MMP16: variants seen among roughly 807,000 people sequenced by gnomAD.
The protein encoded by MMP16 is matrix metallopeptidase 16.
In MMP16, 12 loss-of-function variants were observed where a neutral mutation model predicts 67.8. The ratio of observed to expected loss-of-function variants is 0.18; its 90% CI spans 0.11 to 0.29. MMP16 has a LOEUF of 0.29. Ranked by LOEUF, MMP16 falls within the 10% of genes least tolerant of loss-of-function variation. MMP16 has a pLI of 1.00. For synonymous variants in MMP16, 249 were observed against 255.9 expected (o/e 0.97, Z 0.26); for missense variants, 475 against 765.7 (o/e 0.62, Z 4.48).
At chr8:88,271,991 C>T (rs1466673054) in intron 1 of MMP16, among the ~76,000 whole-genome samples, 1 of 152,154 alleles carries the variant, frequency 6.6e-6, no homozygotes, top group African/African-American at 2.4e-5. Context: ...AGCAGTTTGT[C>T]CATCTATAAA....
At chr8:88,047,279 C>T (rs751025532) in intron 8 of MMP16, among the ~76,000 whole-genome samples, 5 of 151,934 alleles carry the variant, frequency 3.3e-5, no homozygotes, top group Admixed American at 1.3e-4. Flanking sequence ...ATGTTCCTGG[C>T]GTTATTATAG....
At chr8:88,308,660 T>C (rs1300466340) in intron 1 of MMP16, among the ~76,000 whole-genome samples, 1 of 152,108 alleles carries the variant, frequency 6.6e-6, no homozygotes, top group Non-Finnish European at 1.5e-5. Context: ...GTATTTTCTG[T>C]ATATCAAAGA....
In MMP16 at chr8:88,040,756, T is replaced by G. The variant is rs915683687; in HGVS notation, c.*705A>C. 1 of 152,132 alleles carries G rather than the reference T, an allele frequency of 6.6e-6. No homozygotes were observed. Among genetic ancestry groups the G allele is most frequent in the African/African-American group, 2.4e-5 (1 of 41,284 alleles). The allele number at this position is 152,132 out of a possible 1,614,324, so 9.4% of individuals were successfully genotyped here. ...GAGAACAGCTGTATAAAACGAAAAA[T>G]GGATGTATTATTAAGGCTGTTACTA... On this transcript the variant is annotated 3_prime_UTR_variant, in exon 10 of 10. Transcript: ENST00000286614.
At chr8:88,299,247 T>C (rs1811061251) in intron 1 of MMP16, among the ~76,000 whole-genome samples, 1 of 152,138 alleles carries the variant, frequency 6.6e-6, no homozygotes, top group Non-Finnish European at 1.5e-5. Context: ...GCTCAGAAAG[T>C]GAATGCATAA....
chr8:88,199,079 A>G (rs961403891), intron 1 of MMP16, among the ~76,000 whole-genome samples: 49 of 152,202 alleles, frequency 3.2e-4, no homozygotes, highest in Admixed American at 1.7e-3. Context: ...TGCTTTTTCC[A>G]TAACACTTTG....
At chr8:88,188,694 G>A (rs910093949) in intron 2 of MMP16, among the ~76,000 whole-genome samples, 3 of 147,190 alleles carry the variant, frequency 2.0e-5, no homozygotes, top group South Asian at 2.1e-4. Flanking sequence ...TGATCTTGTC[G>A]CCCAGGCTGG....
At chr8:88,162,655 G>A (rs1005466355) in intron 4 of MMP16, among the ~76,000 whole-genome samples, 3 of 151,950 alleles carry the variant, frequency 2.0e-5, no homozygotes, top group African/African-American at 7.2e-5. Context: ...CTGTAGGAGG[G>A]GCCTGGTGGA....
At chr8:88,154,671 A>G (rs1808476165) in intron 4 of MMP16, among the ~76,000 whole-genome samples, 2 of 149,098 alleles carry the variant, frequency 1.3e-5, no homozygotes, top group Non-Finnish European at 3.0e-5. Context: ...GAACAATGAG[A>G]TCACATGGAC....
At chr8:88,127,247 C>G (rs7015576) in intron 4 of MMP16, among the ~76,000 whole-genome samples, 93,665 of 151,642 alleles carry the variant, frequency 0.62, 29,928 homozygotes, top group African/African-American at 0.78. Flanking sequence ...GGAGATAACA[C>G]AGTACTATGA....
chr8:88,040,733 G>T lies in MMP16; in HGVS notation c.*728C>A, dbSNP rs1398435448. The T allele has an allele frequency of 6.6e-6, 1 of 152,628 alleles. No homozygotes were observed. The highest frequency in any genetic ancestry group is 2.4e-5 in the African/African-American group (1 of 41,464). The allele number at this position is 152,628 out of a possible 1,614,324, so 9.5% of individuals were successfully genotyped here. A position where few individuals can be genotyped will look rare whatever the true frequency, so the allele number is the denominator to read the frequency against. ...GATGAAACACTGAGGACATAGCTGA[G>T]AACAGCTGTATAAAACGAAAAATGG... On this transcript the variant is annotated 3_prime_UTR_variant, in exon 10 of 10. Coordinates refer to ENST00000286614, the MANE Select transcript of MMP16 (RefSeq NM_005941.5).
chr8:88,104,553 C>T (rs535963904), intron 6 of MMP16, among the ~76,000 whole-genome samples: 22 of 151,522 alleles, frequency 1.5e-4, no homozygotes, highest in Non-Finnish European at 3.0e-4. Context: ...GTCAACAAAC[C>T]TATTGCGCTG....
intron 8 of MMP16, among the ~76,000 whole-genome samples, chr8:88,053,227 G>A (rs1187700553): frequency 1.3e-5 from 2 of 152,144 alleles, no homozygotes; most frequent in Non-Finnish European, 2.9e-5. Flanking sequence ...GGCTGTAATT[G>A]AGGGTATCTA....
intron 4 of MMP16, among the ~76,000 whole-genome samples, chr8:88,154,824 A>T (rs530781943): frequency 1.3e-5 from 2 of 150,854 alleles, no homozygotes; most frequent in South Asian, 2.1e-4. Flanking sequence ...ATATGTAACT[A>T]ACCTGCACAA....
intron 1 of MMP16, among the ~76,000 whole-genome samples, chr8:88,302,883 G>A (rs1210788404): frequency 6.6e-6 from 1 of 152,132 alleles, no homozygotes; most frequent in Non-Finnish European, 1.5e-5. Flanking sequence ...AAGCAGGGAG[G>A]GGCAACAGCC....
intron 1 of MMP16, among the ~76,000 whole-genome samples, chr8:88,271,242 T>A (rs1049944493): frequency 6.6e-6 from 1 of 152,214 alleles, no homozygotes; most frequent in Non-Finnish European, 1.5e-5. Context: ...TTCAATTACT[T>A]ATGACCTGGT....
intron 1 of MMP16, among the ~76,000 whole-genome samples, chr8:88,319,064 C>T (rs1215499962): frequency 1.3e-5 from 2 of 152,122 alleles, no homozygotes; most frequent in Admixed American, 6.6e-5. Context: ...ATATCCATTA[C>T]ATAAATGGCC....
At chr8:88,085,982 C>T (rs565371853) in intron 6 of MMP16, among the ~76,000 whole-genome samples, 2 of 151,786 alleles carry the variant, frequency 1.3e-5, no homozygotes, top group East Asian at 1.9e-4. Context: ...CTTAAAAATG[C>T]ATACTCATTC....
intron 7 of MMP16, among the ~76,000 whole-genome samples, chr8:88,059,054 T>A (rs1039055090): frequency 6.6e-6 from 1 of 152,066 alleles, no homozygotes; most frequent in Non-Finnish European, 1.5e-5. Flanking sequence ...GAATGGGCTG[T>A]TGGAAGTTTA....
intron 4 of MMP16, among the ~76,000 whole-genome samples, chr8:88,146,681 G>T (rs974994482): frequency 4.6e-5 from 7 of 151,622 alleles, no homozygotes; most frequent in Admixed American, 1.3e-4. Flanking sequence ...ACATTTAAAT[G>T]ATACTTCTTT....
Sources: gnomAD v4.1 joint callset for allele counts (sites outside exome capture counted in the v4.1 genomes callset) on GRCh38, gnomAD v4.1.1 for gene constraint, MANE v1.5 for transcripts, NCBI Gene and HGNC (gene_info 2026-07-23, HGNC 2026-07-21) for gene names.